FBRSL1: variants seen among roughly 807,000 people sequenced by gnomAD.
FBRSL1 encodes fibrosin like 1.
Under a neutral mutation model 89.6 loss-of-function variants are expected in FBRSL1, and 51 were observed. The ratio of observed to expected loss-of-function variants is 0.57; its 90% CI spans 0.45 to 0.72. The LOEUF (loss-of-function observed/expected upper bound fraction) is 0.72. FBRSL1 is among the 30% of genes least tolerant of loss of function. The pLI is 0.00. For missense variants in FBRSL1, 1,618 were observed against 1,451.8 expected (o/e 1.11, Z -1.86); for synonymous variants, 779 against 681.1 (o/e 1.14, Z -2.24).
intron 4 of FBRSL1, among the ~76,000 whole-genome samples, chr12:132,529,508 G>C (rs1176413612): frequency 6.6e-6 from 1 of 152,134 alleles, no homozygotes; most frequent in Non-Finnish European, 1.5e-5. Context: ...CTGAGGTTCT[G>C]TCTAAAGCCC....
chr12:132,503,590 G>A (rs2033306855), intron 1 of FBRSL1, among the ~76,000 whole-genome samples: 3 of 152,330 alleles, frequency 2.0e-5, no homozygotes, highest in South Asian at 2.1e-4. Context: ...GTCCCCACAC[G>A]GGGCCATGGG....
chr12:132,517,962 C>T (rs551070604), intron 2 of FBRSL1, among the ~76,000 whole-genome samples: 3 of 152,192 alleles, frequency 2.0e-5, no homozygotes, highest in African/African-American at 4.8e-5. Context: ...GCAGCCCAGG[C>T]GGCAAATGTG....
chr12:132,557,651 G>C (rs1403986466), intron 5 of FBRSL1, among the ~76,000 whole-genome samples: 3 of 152,202 alleles, frequency 2.0e-5, no homozygotes, highest in African/African-American at 7.2e-5. Context: ...TGTGATTCCA[G>C]TGGTGAGGTC....
intron 2 of FBRSL1, among the ~76,000 whole-genome samples, chr12:132,513,262 G>A (rs1162710829): frequency 6.6e-6 from 1 of 152,214 alleles, no homozygotes; most frequent in Non-Finnish European, 1.5e-5. Context: ...CAGCAGATTG[G>A]AGCCTGAGGC....
chr12:132,537,429 G>A (rs1005200433), intron 4 of FBRSL1, among the ~76,000 whole-genome samples: 3 of 152,184 alleles, frequency 2.0e-5, no homozygotes, highest in Non-Finnish European at 4.4e-5. Flanking sequence ...AGAGGCAGCT[G>A]TGGTGGGTCC....
chr12:132,513,639 C>T (rs746470740), intron 2 of FBRSL1, among the ~76,000 whole-genome samples: 1 of 152,100 alleles, frequency 6.6e-6, no homozygotes, highest in Non-Finnish European at 1.5e-5. Context: ...ATGGGGAGGG[C>T]GTGAGCCTTC....
chr12:132,510,673 A>G (rs1266913045), intron 2 of FBRSL1: 8 of 1,227,086 alleles, frequency 6.5e-6, no homozygotes, highest in Non-Finnish European at 6.1e-6. Context: ...GGCTCACCAC[A>G]CCAGGAAGAG....
At position 132,570,424 on chromosome 12, in the gene FBRSL1, C is replaced by CGCAGCACCA; in HGVS notation, c.1099_1100insAGCACCAGC (p.Ala366_Leu367insGlnHisGln). Reference sequence around the variant, plus strand: ...CCCCACCTGTCTACCTCACACCTGGCGCTCCGGTCCCAGGCGCAGCACCAG... The same window carrying CGCAGCACCA: ...CCCCACCTGTCTACCTCACACCTGGCGCAGCACCAGCTCCGGTCCCAGGCGCAGCACCAG... On this transcript the variant is annotated inframe_insertion, in exon 8 of 19. Coordinates refer to ENST00000680143, the MANE Select transcript of FBRSL1 (RefSeq NM_001367871.1). The CGCAGCACCA allele has an allele frequency of 6.5e-7, 1 of 1,534,796 alleles. No homozygotes were observed. Among genetic ancestry groups the CGCAGCACCA allele is most frequent in the Non-Finnish European group, 8.7e-7 (1 of 1,145,692 alleles).
intron 5 of FBRSL1, among the ~76,000 whole-genome samples, chr12:132,556,547 CCCCCTCCA>C (rs141775593): frequency 5.8e-5 from 5 of 86,396 alleles, no homozygotes; most frequent in Admixed American, 1.1e-4. Flanking sequence ...CGTGCTGCAC[CCCCCTCCA>C]CCCACCCCTG....
At chr12:132,497,518 G>A (rs572913924) in intron 1 of FBRSL1, among the ~76,000 whole-genome samples, 10 of 151,894 alleles carry the variant, frequency 6.6e-5, no homozygotes, top group South Asian at 2.1e-4. Flanking sequence ...CCCTCCCTCC[G>A]GACTCCCCCT....
rs2030672926 is a variant in FBRSL1 at position 132,490,602 on chromosome 12, C to G, written c.32C>G (p.Ser11Trp). The G allele has an allele frequency of 1.0e-6, 1 of 982,726 alleles. No homozygotes were observed. The highest frequency in any genetic ancestry group is 1.8e-5 in the African/African-American group (1 of 56,588). 60.9% of individuals were successfully genotyped at this position (982,726 alleles called of 1,614,324 possible). A position where few individuals can be genotyped will look rare whatever the true frequency, so the allele number is the denominator to read the frequency against. MEAKVRPSRRSRAQRDRGRRR... is the reference protein window; with the variant it reads MEAKVRPSRRWRAQRDRGRRR... ...GCCAAGGTCCGCCCGAGCCGGCGCT[C>G]GCGCGCGCAGCGGGACCGTGGCCGG... Residue 11 changes from serine to tryptophan, a missense_variant, in exon 1 of 19, where the codon TCG becomes TGG. Ser to Trp is a radical substitution (Grantham distance 177). Coordinates refer to ENST00000680143, the MANE Select transcript of FBRSL1 (RefSeq NM_001367871.1).
chr12:132,548,067 CA>C, intron 5 of FBRSL1, 35 bp downstream of exon 5: 1 of 1,549,134 alleles, frequency 6.5e-7, no homozygotes, highest in Non-Finnish European at 8.7e-7. Context: ...GCTCGGCTGA[CA>C]GCCCTGCCCT....
chr12:132,567,445 C>T (rs1386255622), intron 5 of FBRSL1, 36 bp from the exon 6 acceptor site: 2 of 1,549,822 alleles, frequency 1.3e-6, no homozygotes, highest in Admixed American at 2.0e-5. Flanking sequence ...ATGAGGACCA[C>T]CCTGACTGCC....
At chr12:132,510,237 C>T (rs766665127) in intron 2 of FBRSL1, 54 of 1,231,880 alleles carry the variant, frequency 4.4e-5, no homozygotes, top group Non-Finnish European at 5.4e-5. Flanking sequence ...TCGCCCTTCA[C>T]TCCTGGGGCA....
intron 2 of FBRSL1, chr12:132,511,995 G>A (rs1409208440): frequency 2.6e-5 from 26 of 985,366 alleles, no homozygotes; most frequent in East Asian, 1.1e-4. Flanking sequence ...TGTGTCTTAC[G>A]TGATTTATTC....
intron 1 of FBRSL1, among the ~76,000 whole-genome samples, chr12:132,501,609 G>C (rs781146082): frequency 3.3e-5 from 5 of 152,170 alleles, no homozygotes; most frequent in African/African-American, 7.2e-5. Flanking sequence ...CCTGCCTTCC[G>C]CTCGGGGCCC....
chr12:132,515,764 G>T (rs958908248), intron 2 of FBRSL1, among the ~76,000 whole-genome samples: 2 of 151,940 alleles, frequency 1.3e-5, no homozygotes, highest in African/African-American at 4.8e-5. Flanking sequence ...GCCAGGCACG[G>T]TGGCGCACAC....
At chr12:132,541,908 C>G (rs1204898486) in intron 4 of FBRSL1, among the ~76,000 whole-genome samples, 1 of 151,936 alleles carries the variant, frequency 6.6e-6, no homozygotes, top group East Asian at 1.9e-4. Flanking sequence ...CCCCCACCAC[C>G]CCGAACCATC....
intron 1 of FBRSL1, 127 bp from the exon 2 acceptor site, chr12:132,508,026 C>T: frequency 2.1e-6 from 2 of 950,414 alleles, no homozygotes; most frequent in Non-Finnish European, 3.1e-6. Context: ...AGCCATCTTC[C>T]TTTCCCTCTG....
Sources: allele counts gnomAD v4.1 joint callset (sites outside exome capture counted in the v4.1 genomes callset), GRCh38; gene constraint gnomAD v4.1.1; transcripts MANE v1.5; gene names NCBI Gene and HGNC (gene_info 2026-07-23, HGNC 2026-07-21).